DNAH11: variants seen among roughly 807,000 people sequenced by gnomAD.
DNAH11 encodes dynein axonemal heavy chain 11.
DNAH11 carries 442 observed loss-of-function variants against 526.0 expected under a neutral mutation model. The ratio of observed to expected loss-of-function variants is 0.84; its 90% CI spans 0.78 to 0.91. The LOEUF is 0.91. DNAH11 is among the 40% of genes least tolerant of loss of function. The pLI is 0.00. For synonymous variants in DNAH11, 2,461 were observed against 1,935.9 expected, an observed-to-expected ratio of 1.27 and a Z score of -7.12; for missense variants, 6,989 against 5,448.7, an observed-to-expected ratio of 1.28 and a Z score of -8.90.
chr7:21,802,658 A>G (rs1445755117), intron 62 of DNAH11, among the ~76,000 whole-genome samples: 1 of 152,164 alleles, frequency 6.6e-6, no homozygotes, highest in Non-Finnish European at 1.5e-5. Context: ...GAGTCATGCT[A>G]CAATGTATGA....
chr7:21,852,421 A>AGG, intron 66 of DNAH11, 46 bp from the exon 67 acceptor site: 1 of 1,555,168 alleles, frequency 6.4e-7, no homozygotes, highest in Middle Eastern at 1.7e-4. Flanking sequence ...AAAAAAAAAA[A>AGG]AAGTACTTAA....
intron 34 of DNAH11, 59 bp from the exon 35 acceptor site, chr7:21,690,706 C>G: frequency 1.6e-6 from 2 of 1,281,602 alleles, no homozygotes; most frequent in Non-Finnish European, 1.1e-6. Context: ...TTGCATTTGT[C>G]AATGTGCATT....
intron 73 of DNAH11, among the ~76,000 whole-genome samples, chr7:21,869,358 C>T (rs902229248): frequency 2.1e-5 from 2 of 95,048 alleles, no homozygotes; most frequent in Non-Finnish European, 6.6e-5. Context: ...GTCGACAGAA[C>T]TCTTTTTTAA....
At chr7:21,738,457 G>A (rs559616376) in intron 46 of DNAH11, among the ~76,000 whole-genome samples, 89 of 152,268 alleles carry the variant, frequency 5.8e-4, no homozygotes, top group Admixed American at 1.9e-3. Context: ...CATGCTGCAC[G>A]TGCTGCAGTC....
chr7:21,721,682 A>G (rs555609124), intron 44 of DNAH11, among the ~76,000 whole-genome samples: 101 of 152,254 alleles, frequency 6.6e-4, no homozygotes, highest in Admixed American at 1.6e-3. Context: ...TCATGACATC[A>G]TCTAAATCTA....
At chr7:21,612,571 A>AAAAAAAAAAC (rs1785576240) in intron 20 of DNAH11, among the ~76,000 whole-genome samples, 1 of 150,174 alleles carries the variant, frequency 6.7e-6, no homozygotes, top group Non-Finnish European at 1.5e-5. Context: ...AAAAAAAAAA[A>AAAAAAAAAAC]AAAAAGAGAC....
chr7:21,808,079 G>T, intron 63 of DNAH11, 30 bp downstream of exon 63: 3 of 1,375,924 alleles, frequency 2.2e-6, no homozygotes, highest in Non-Finnish European at 2.9e-6. Flanking sequence ...TTGTCAGCAG[G>T]TAGAAAGATC....
At position 21,564,214 on chromosome 7, in the gene DNAH11, T is replaced by G; in HGVS notation, c.1011T>G (p.Leu337=). The G allele has an allele frequency of 6.2e-7, 1 of 1,604,728 alleles. No homozygotes were observed. Among genetic ancestry groups the G allele is most frequent in the Non-Finnish European group, 8.5e-7 (1 of 1,175,642 alleles). The change falls in exon 6 of 82, where the codon CTT becomes CTG. Residue 337 remains leucine (L), a synonymous_variant. Coordinates refer to ENST00000409508, the MANE Select transcript of DNAH11 (RefSeq NM_001277115.2). Reference sequence around the variant, plus strand: ...TTCTCGAAGCCCAAGATGTGGAACTTTACCTGAGACCTCTGAGGAGACACA... The same window carrying G: ...TTCTCGAAGCCCAAGATGTGGAACTGTACCTGAGACCTCTGAGGAGACACA... The part of the protein sequence containing the change: ...NALLEAQDVE[L]YLRPLRRHIQ...
Position 21,873,329 on chromosome 7 carries a change from T to G in DNAH11, c.12023T>G (p.Phe4008Cys). The change falls in exon 74 of 82, where the codon TTC becomes TGC. Residue 4008 changes from phenylalanine to cysteine, a missense_variant. Phe to Cys is a radical substitution (Grantham distance 205). Transcript: ENST00000409508. ...ACCTTGGAGAAGCTCCTTGAAAGAT[T>G]CAGCCAAGGAAGCCACAGAGATTAC... ...LGTLEKLLERFSQGSHRDYRV... is the reference protein window; with the variant it reads ...LGTLEKLLERCSQGSHRDYRV... 6.2e-7 allele frequency: 1 copy of G among 1,611,290 alleles called. No homozygotes were observed. Among genetic ancestry groups the G allele is most frequent in the Non-Finnish European group, 8.5e-7 (1 of 1,178,598 alleles).
intron 62 of DNAH11, among the ~76,000 whole-genome samples, chr7:21,807,674 C>T (rs1322926913): frequency 2.0e-5 from 3 of 152,130 alleles, no homozygotes; most frequent in Non-Finnish European, 4.4e-5. Context: ...TTGTGATAAA[C>T]TCCACTGAGG....
At position 21,807,942 on chromosome 7, in the gene DNAH11, G is replaced by A; in HGVS notation, c.10225G>A (p.Gly3409Arg). ...SFEAQEKTLC[G>R]DVLLTAAFVS... ...TGAAGCTCAAGAGAAGACACTCTGTGGAGATGTTCTTCTCACGGCGGCATT... is the reference window on the plus strand; with the variant it reads ...TGAAGCTCAAGAGAAGACACTCTGTAGAGATGTTCTTCTCACGGCGGCATT... The change falls in exon 63 of 82, where the codon GGA (glycine) becomes AGA (arginine). Residue 3409 changes from glycine to arginine, a missense_variant. By Grantham distance (125) the Gly-to-Arg change is moderately radical. Transcript: ENST00000409508. 1 of 1,609,708 alleles carries A rather than the reference G, an allele frequency of 6.2e-7. No individual in the cohort carries two copies. Among genetic ancestry groups the A allele is most frequent in the African/African-American group, 1.3e-5 (1 of 74,998 alleles).
At position 21,717,200 on chromosome 7, in the gene DNAH11, TTA is replaced by T. The variant is rs1784699220; in HGVS notation, c.6984-574_6984-573del. ...AATTGATAACATTTTATGTTTCAGA[TTA>T]CACACACACACACACACACCCCAGC... On this transcript the variant is annotated intron_variant, in intron 42 of 81. Transcript: ENST00000409508. Among the ~76,000 whole-genome samples, 4 of 93,596 alleles carry T rather than the reference TTA, an allele frequency of 4.3e-5. No individual in the cohort carries two copies. In the South Asian group the frequency reaches 1.5e-3, roughly 36 times the overall value. The allele number at this position is 93,596 out of a possible 152,430, so 61.4% of individuals were successfully genotyped here.
At chr7:21,738,931 A>G (rs769121328) in intron 47 of DNAH11, 65 bp downstream of exon 47, 22 of 1,283,786 alleles carry the variant, frequency 1.7e-5, no homozygotes, top group Non-Finnish European at 2.3e-5. Context: ...AATAATTACT[A>G]TGGATGAATA....
chr7:21,725,153 C>G (rs1184082629), intron 44 of DNAH11, among the ~76,000 whole-genome samples: 2 of 152,210 alleles, frequency 1.3e-5, no homozygotes, highest in Non-Finnish European at 2.9e-5. Context: ...ATAAATCTCT[C>G]TGGAGGCTGA....
At chr7:21,568,109 A>G (rs999630716) in intron 6 of DNAH11, among the ~76,000 whole-genome samples, 1 of 152,214 alleles carries the variant, frequency 6.6e-6, no homozygotes, top group African/African-American at 2.4e-5. Flanking sequence ...AGAATAGAGA[A>G]GCAGCAGCAG....
intron 45 of DNAH11, among the ~76,000 whole-genome samples, chr7:21,729,052 G>C (rs1168400887): frequency 6.6e-6 from 1 of 152,230 alleles, no homozygotes; most frequent in African/African-American, 2.4e-5. Context: ...CTGAAAGTGA[G>C]GGGGAAATAG....
chr7:21,681,819 G>GTGTT, intron 31 of DNAH11, 142 bp downstream of exon 31: 1 of 1,081,564 alleles, frequency 9.2e-7, no homozygotes, highest in Non-Finnish European at 1.4e-6. Context: ...TTTGTCTTGG[G>GTGTT]TGCATTTGAT....
At chr7:21,588,264 T>G in intron 10 of DNAH11, 63 bp downstream of exon 10, 1 of 1,533,466 alleles carries the variant, frequency 6.5e-7, no homozygotes, top group Non-Finnish European at 8.8e-7. Flanking sequence ...GACCATCAAC[T>G]AGAACTCTAT....
chr7:21,704,760 A>ATT, intron 38 of DNAH11, 132 bp downstream of exon 38: 2 of 979,336 alleles, frequency 2.0e-6, no homozygotes, highest in Non-Finnish European at 2.8e-6. Flanking sequence ...GCTTTCAAGC[A>ATT]TTTTCATATG....
Sources: allele counts gnomAD v4.1 joint callset (sites outside exome capture counted in the v4.1 genomes callset), GRCh38; gene constraint gnomAD v4.1.1; transcripts MANE v1.5; gene names NCBI Gene and HGNC (gene_info 2026-07-23, HGNC 2026-07-21).